Variants in MEAF6 observed in about 807,000 individuals in gnomAD.
MEAF6 encodes MYST/Esa1 associated factor 6.
In MEAF6, 15 loss-of-function variants were observed where a neutral mutation model predicts 28.9. That is an observed-to-expected ratio of 0.52 (90% CI 0.35 to 0.80). The LOEUF is 0.80. Among genes scored for constraint, MEAF6 ranks in the 30% least tolerant of loss-of-function variants. The pLI, the probability that MEAF6 is intolerant of heterozygous loss-of-function variation, is 0.01. For missense variants in MEAF6, 178 were observed against 237.5 expected (o/e 0.75, Z 1.65); for synonymous variants, 97 against 88.7 (o/e 1.09, Z -0.53).
intron 2 of MEAF6, 89 bp downstream of exon 2, chr1:37,513,334 C>A: frequency 1.1e-6 from 1 of 921,040 alleles, no homozygotes; most frequent in South Asian, 1.4e-5. Flanking sequence ...TTACTACTGC[C>A]TCCAGCAAAG....
chr1:37,502,609 G>A (rs569815908), intron 4 of MEAF6, among the ~76,000 whole-genome samples: 10 of 142,474 alleles, frequency 7.0e-5, no homozygotes, highest in South Asian at 2.2e-4. Flanking sequence ...CTTGAACCTC[G>A]TAAGTCTTTT....
chr1:37,513,807 C>T (rs908961857), intron 1 of MEAF6: 19 of 529,858 alleles, frequency 3.6e-5, no homozygotes, highest in Non-Finnish European at 5.4e-5. Flanking sequence ...AGAGGATTCA[C>T]GGAAACCATG....
rs370896182 is a variant in MEAF6 at position 37,514,759 on chromosome 1, C to G, written c.-13G>C. 18 of 1,361,460 alleles carry G rather than the reference C, an allele frequency of 1.3e-5. 1 individual carries two copies. In the South Asian group the frequency reaches 2.4e-4, roughly 18 times the overall value. The allele number at this position is 1,361,460 out of a possible 1,614,324, so 84.3% of individuals were successfully genotyped here. A position where few individuals can be genotyped will look rare whatever the true frequency, so the allele number is the denominator to read the frequency against. ...TGTGCATCGCCATGTTGGGCTGAGG[C>G]GGGCGGCGGCGGCGCGAGGTTGGGG... On this transcript the variant is annotated 5_prime_UTR_variant, in exon 1 of 7. Coordinates refer to ENST00000296214, the MANE Select transcript of MEAF6 (RefSeq NM_001270875.3).
Position 37,493,900 on chromosome 1 carries a change from C to T in MEAF6, c.*199G>A. The T allele has an allele frequency of 1.3e-6, 2 of 1,584,280 alleles. No individual in the cohort carries two copies. The highest frequency in any genetic ancestry group is 1.7e-6 in the Non-Finnish European group (2 of 1,167,092). ...CCTGCAGTTCTGTTACTAAAAATGA[C>T]ATAAAGTAAGACCCAATGTCTTACA... On this transcript the variant is annotated 3_prime_UTR_variant, in exon 7 of 7. Transcript: ENST00000296214.
chr1:37,501,593 A>G, intron 5 of MEAF6: 2 of 420,980 alleles, frequency 4.8e-6, no homozygotes, highest in Non-Finnish European at 8.4e-6. Context: ...AGAAACAGTG[A>G]GAAGAATGTC....
chr1:37,503,929 G>A (rs1170375018), intron 4 of MEAF6, among the ~76,000 whole-genome samples: 2 of 152,078 alleles, frequency 1.3e-5, no homozygotes, highest in African/African-American at 2.4e-5. Context: ...AGCCGAGATC[G>A]CTCTGGGTGA....
At chr1:37,499,577 T>C (rs1332856749) in intron 5 of MEAF6, among the ~76,000 whole-genome samples, 1 of 152,182 alleles carries the variant, frequency 6.6e-6, no homozygotes, top group African/African-American at 2.4e-5. Flanking sequence ...TTCACTCTCC[T>C]TTCTTGGGGC....
chr1:37,495,684 C>CAAAAAAAA (rs376230589), intron 6 of MEAF6, among the ~76,000 whole-genome samples: 24 of 70,504 alleles, frequency 3.4e-4, no homozygotes, highest in South Asian at 1.3e-3. Context: ...AACTGTCTCT[C>CAAAAAAAA]AAAAAAAAAA....
At position 37,501,900 on chromosome 1, in the gene MEAF6, G is replaced by A. The variant is rs1308229161; in HGVS notation, c.437C>T (p.Ser146Phe). 1 of 1,611,854 alleles carries A rather than the reference G, an allele frequency of 6.2e-7. No homozygotes were observed. The highest frequency in any genetic ancestry group is 1.1e-5 in the South Asian group (1 of 90,916). ...CTTCTGAGGTTTCACTCCCTGCACA[G>A]ATCCATCCAGATCCTCAGGGTCCTC... ...SQEDPEDLDG[S>F]VQGVKPQKAA... The change falls in exon 5 of 7, where the codon TCT becomes TTT. Residue 146 changes from serine (S) to phenylalanine (F), a missense_variant. Transcript: ENST00000296214.
chr1:37,504,587 A>T (rs964958443), intron 4 of MEAF6, among the ~76,000 whole-genome samples: 9 of 151,680 alleles, frequency 5.9e-5, no homozygotes, highest in Non-Finnish European at 8.8e-5. Context: ...CCTGGCCAAC[A>T]TGGTAAGACC....
chr1:37,502,556 G>GT (rs754498732), intron 4 of MEAF6, among the ~76,000 whole-genome samples: 421 of 99,630 alleles, frequency 4.2e-3, no homozygotes, highest in Middle Eastern at 0.013. Flanking sequence ...GTTTTTTCTT[G>GT]TTTTTTTTTT....
chr1:37,510,831 T>A (rs973955560), intron 2 of MEAF6, among the ~76,000 whole-genome samples: 2 of 152,170 alleles, frequency 1.3e-5, no homozygotes, highest in Non-Finnish European at 2.9e-5. Context: ...CAAGCGATTC[T>A]CCTGCCTCAG....
Position 37,514,674 on chromosome 1 carries a change from G to C in MEAF6, c.73C>G (p.Arg25Gly). Residue 25 changes from arginine (R) to glycine (G), a missense_variant, in exon 1 of 7, where the codon CGG (arginine) becomes GGG (glycine). Coordinates refer to ENST00000296214, the MANE Select transcript of MEAF6 (RefSeq NM_001270875.3). ...TRRELAELVK[R>G]KQELAETLAN... ...CCCCTCACCGCCAGCTCCTGCTTCC[G>C]CTTCACGAGCTCCGCCAGCTCCCGC... is the stretch of plus-strand genomic sequence containing the variant. 1 of 1,542,250 alleles carries C rather than the reference G, an allele frequency of 6.5e-7. No individual in the cohort carries two copies. Among genetic ancestry groups the C allele is most frequent in the Non-Finnish European group, 8.7e-7 (1 of 1,149,028 alleles).
Position 37,493,907 on chromosome 1 carries a change from T to C in MEAF6, c.*192A>G, listed in dbSNP as rs1642026703. ...TTCTGTTACTAAAAATGACATAAAG[T>C]AAGACCCAATGTCTTACAGAAATGA... On this transcript the variant is annotated 3_prime_UTR_variant, in exon 7 of 7. Transcript: ENST00000296214. 4.4e-6 allele frequency: 7 copies of C among 1,587,750 alleles called. No homozygotes were observed. In the South Asian group the frequency reaches 6.8e-5, roughly 15 times the overall value.
intron 2 of MEAF6, among the ~76,000 whole-genome samples, chr1:37,510,786 G>A (rs996637853): frequency 5.9e-5 from 9 of 151,936 alleles, no homozygotes; most frequent in East Asian, 1.9e-4. Flanking sequence ...GCAATGGCGC[G>A]AGCTCGGCTC....
At position 37,491,908 on chromosome 1, in the gene MEAF6, AT is replaced by A. The variant is rs1641943389; in HGVS notation, c.*2190del. On this transcript the variant is annotated 3_prime_UTR_variant, in exon 7 of 7. Coordinates refer to ENST00000296214, the MANE Select transcript of MEAF6 (RefSeq NM_001270875.3). ...AAATAATCTTTTTAAGAGCAGTACT[AT>A]TCTTTCTTTTTTTTTTTTTTTTTGA... is the stretch of plus-strand genomic sequence containing the variant. Among the ~76,000 whole-genome samples, 1 of 142,782 alleles carries A rather than the reference AT, an allele frequency of 7.0e-6. No individual in the cohort carries two copies. The highest frequency in any genetic ancestry group is 2.6e-5 in the African/African-American group (1 of 38,560). The allele number at this position is 142,782 out of a possible 152,430, so 93.7% of individuals were successfully genotyped here.
At chr1:37,508,530 C>G in intron 4 of MEAF6, among the ~76,000 whole-genome samples, 1 of 151,952 alleles carries the variant, frequency 6.6e-6, no homozygotes, top group Non-Finnish European at 1.5e-5. Flanking sequence ...AGCAATCCTC[C>G]CACCTCTCCA....
chr1:37,505,707 A>G (rs1361974475), intron 4 of MEAF6, among the ~76,000 whole-genome samples: 1 of 152,256 alleles, frequency 6.6e-6, no homozygotes, highest in Non-Finnish European at 1.5e-5. Context: ...ACAAAGCTGC[A>G]GTAATCAACA....
intron 5 of MEAF6, among the ~76,000 whole-genome samples, chr1:37,499,948 C>T (rs12754423): frequency 0.13 from 19,803 of 152,106 alleles, 1,581 homozygotes; most frequent in South Asian, 0.18. Context: ...AAAAAGTCCC[C>T]GAAACTTTCA....
Sources: gnomAD v4.1 joint callset for allele counts (sites outside exome capture counted in the v4.1 genomes callset) on GRCh38, gnomAD v4.1.1 for gene constraint, MANE v1.5 for transcripts, NCBI Gene and HGNC (gene_info 2026-07-23, HGNC 2026-07-21) for gene names.